PRKG1: variants seen among roughly 807,000 people sequenced by gnomAD.
The protein encoded by PRKG1 is cGMP-dependent protein kinase 1.
In PRKG1, 35 loss-of-function variants were observed where a neutral mutation model predicts 88.1. That is an observed-to-expected ratio of 0.40 (90% CI 0.30 to 0.53). The LOEUF (loss-of-function observed/expected upper bound fraction) is 0.53, where lower values mean the gene tolerates loss of function less well. PRKG1 is among the 20% of genes least tolerant of loss of function. PRKG1 has a pLI of 0.59. For missense variants in PRKG1, 540 were observed against 839.8 expected (o/e 0.64, Z 4.41); for synonymous variants, 303 against 292.5 (o/e 1.04, Z -0.37).
intron 3 of PRKG1, among the ~76,000 whole-genome samples, chr10:51,640,969 C>A (rs537341407): frequency 2.7e-4 from 41 of 151,786 alleles, no homozygotes; most frequent in Middle Eastern, 3.4e-3. Context: ...GTTTTGTAAC[C>A]CTGACTATAC....
chr10:52,210,933 A>T (rs1210161308), intron 9 of PRKG1, among the ~76,000 whole-genome samples: 1 of 152,204 alleles, frequency 6.6e-6, no homozygotes, highest in Non-Finnish European at 1.5e-5. Flanking sequence ...TATTTTCTTC[A>T]GGTTTAAGTT....
At chr10:52,105,695 G>T (rs1467504594) in intron 7 of PRKG1, among the ~76,000 whole-genome samples, 1 of 151,934 alleles carries the variant, frequency 6.6e-6, no homozygotes, top group Non-Finnish European at 1.5e-5. Context: ...TGTCATGGGG[G>T]TTTGTTGTAC....
chr10:51,549,120 C>CTTTTTTTTTTTT lies in PRKG1; in HGVS notation c.592+81294_592+81305dup. Among the ~76,000 whole-genome samples, 421 of 70,336 alleles carry CTTTTTTTTTTTT rather than the reference C, an allele frequency of 6.0e-3. 21 individuals are homozygous for CTTTTTTTTTTTT. Among genetic ancestry groups the CTTTTTTTTTTTT allele is most frequent in the African/African-American group, 0.019 (346 of 17,878 alleles). The allele number at this position is 70,336 out of a possible 152,430, so 46.1% of individuals were successfully genotyped here. A position where few individuals can be genotyped will look rare whatever the true frequency, so the allele number is the denominator to read the frequency against. On this transcript the variant is annotated intron_variant, in intron 3 of 17. Transcript: ENST00000373980. ...TTCTTTCCTTTCTTTCTTTTCTTTTCTTTTTTTTTTTTTTTTTTTTTGAGA... is the reference window on the plus strand; with the variant it reads ...TTCTTTCCTTTCTTTCTTTTCTTTTCTTTTTTTTTTTTTTTTTTTTTTTTTTTTTTTTTGAGA...
chr10:51,762,644 A>G (rs1838049435), intron 3 of PRKG1, among the ~76,000 whole-genome samples: 1 of 152,190 alleles, frequency 6.6e-6, no homozygotes, highest in South Asian at 2.1e-4. Flanking sequence ...CATTTCCATT[A>G]TCTAATTCCT....
chr10:52,112,970 G>A (rs761165400), intron 7 of PRKG1, among the ~76,000 whole-genome samples: 12 of 152,272 alleles, frequency 7.9e-5, no homozygotes, highest in Non-Finnish European at 1.6e-4. Context: ...AAGATTACCT[G>A]AATTTGCATC....
At chr10:51,963,779 GA>G (rs1843503874) in intron 5 of PRKG1, among the ~76,000 whole-genome samples, 3 of 152,014 alleles carry the variant, frequency 2.0e-5, no homozygotes, top group Admixed American at 2.0e-4. Context: ...GTGCACATAA[GA>G]AAAATTAGGT....
chr10:51,734,082 T>A (rs1837197932), intron 3 of PRKG1, among the ~76,000 whole-genome samples: 2 of 152,078 alleles, frequency 1.3e-5, no homozygotes, highest in South Asian at 2.1e-4. Context: ...AAAAAAAAAT[T>A]ATTATTTTTT....
chr10:52,169,915 T>C (rs1044658079), intron 9 of PRKG1, among the ~76,000 whole-genome samples: 1 of 152,188 alleles, frequency 6.6e-6, no homozygotes, highest in Non-Finnish European at 1.5e-5. Flanking sequence ...TTTAACTTCA[T>C]GACAAAGGCA....
chr10:51,525,099 G>C (rs1229937631), intron 3 of PRKG1, among the ~76,000 whole-genome samples: 1 of 151,876 alleles, frequency 6.6e-6, no homozygotes, highest in African/African-American at 2.4e-5. Context: ...AAGGATGAGA[G>C]AATGTGGTGC....
At chr10:52,074,514 G>A (rs1846583629) in intron 7 of PRKG1, among the ~76,000 whole-genome samples, 1 of 152,062 alleles carries the variant, frequency 6.6e-6, no homozygotes, top group South Asian at 2.1e-4. Flanking sequence ...GGTGCCACAA[G>A]ATAAGAAAAA....
intron 5 of PRKG1, among the ~76,000 whole-genome samples, chr10:51,927,620 C>A (rs7093999): frequency 0.4 from 60,077 of 151,898 alleles, 13,817 homozygotes; most frequent in African/African-American, 0.63. Flanking sequence ...TAGAGTCCCA[C>A]TTTATTTAGT....
intron 3 of PRKG1, among the ~76,000 whole-genome samples, chr10:51,477,005 TAAGGAGC>T (rs1345237953): frequency 2.4e-4 from 37 of 152,018 alleles, no homozygotes; most frequent in African/African-American, 8.2e-4. Context: ...AACTGAGTTT[TAAGGAGC>T]TTAAGAAACT....
At chr10:51,326,565 G>C (rs548029068) in intron 2 of PRKG1, among the ~76,000 whole-genome samples, 1 of 152,240 alleles carries the variant, frequency 6.6e-6, no homozygotes, top group African/African-American at 2.4e-5. Context: ...GAATATACAA[G>C]ATGCATTTTA....
At chr10:51,431,297 A>G (rs531591540) in intron 2 of PRKG1, among the ~76,000 whole-genome samples, 1 of 152,322 alleles carries the variant, frequency 6.6e-6, no homozygotes, top group African/African-American at 2.4e-5. Context: ...TCCAAGAGAA[A>G]GAGGCACACC....
chr10:52,085,538 A>AT (rs138067659), intron 7 of PRKG1, among the ~76,000 whole-genome samples: 2,294 of 151,700 alleles, frequency 0.015, 61 homozygotes, highest in African/African-American at 0.052. Flanking sequence ...TGCCCACATC[A>AT]TTTTTTTTCC....
At chr10:51,448,019 C>T (rs1202301170) in intron 2 of PRKG1, among the ~76,000 whole-genome samples, 1 of 151,880 alleles carries the variant, frequency 6.6e-6, no homozygotes, top group Non-Finnish European at 1.5e-5. Context: ...TCTTGCTTAT[C>T]AAAAGCATAG....
At position 51,076,472 on chromosome 10, in the gene PRKG1, A is replaced by T. The variant is rs576799951; in HGVS notation, c.311+1571A>T. Among the ~76,000 whole-genome samples the T allele has an allele frequency of 2.6e-5, 4 of 152,338 alleles. No homozygotes were observed. The South Asian group carries it at 8.3e-4, about 32-fold the overall frequency. On this transcript the variant is annotated intron_variant, in intron 1 of 17. Coordinates refer to ENST00000373980, the MANE Select transcript of PRKG1 (RefSeq NM_006258.4). ...GTTTTGCATAATGAAAAAATAACTC[A>T]AAGACAGCTCTCTGCATCTTTAAAC... is the stretch of plus-strand genomic sequence containing the variant.
chr10:51,031,890 C>T (rs1351430958), intron 1 of PRKG1, among the ~76,000 whole-genome samples: 1 of 152,022 alleles, frequency 6.6e-6, no homozygotes, highest in Non-Finnish European at 1.5e-5. Context: ...AGAAATGAAC[C>T]TGTGATTTTA....
At chr10:51,576,782 C>CTT (rs11394669) in intron 3 of PRKG1, among the ~76,000 whole-genome samples, 66 of 151,506 alleles carry the variant, frequency 4.4e-4, no homozygotes, top group African/African-American at 7.5e-4. Flanking sequence ...GAATTATTTT[C>CTT]TTTTTTTTAA....
Sources: allele counts gnomAD v4.1 joint callset (sites outside exome capture counted in the v4.1 genomes callset), GRCh38; gene constraint gnomAD v4.1.1; transcripts MANE v1.5; gene names NCBI Gene and HGNC (gene_info 2026-07-23, HGNC 2026-07-21).